Variants in TEAD1 observed in about 807,000 individuals in gnomAD.
TEAD1 encodes transcriptional enhancer factor TEF-1.
TEAD1 carries 9 observed loss-of-function variants against 54.9 expected under a neutral mutation model. The ratio of observed to expected loss-of-function variants is 0.16; its 90% CI spans 0.10 to 0.29. The LOEUF (loss-of-function observed/expected upper bound fraction) is 0.29. Among genes scored for constraint, TEAD1 ranks in the 10% least tolerant of loss-of-function variants. The probability of loss-of-function intolerance (pLI) is 1.00; values close to 1 mark genes in which losing one functional copy is unlikely to be tolerated. For synonymous variants in TEAD1, 200 were observed against 187.8 expected (o/e 1.07, Z -0.53); for missense variants, 387 against 535.9 (o/e 0.72, Z 2.74).
intron 2 of TEAD1, among the ~76,000 whole-genome samples, chr11:12,678,429 C>A (rs186646906): frequency 1.3e-5 from 2 of 152,254 alleles, no homozygotes; most frequent in East Asian, 3.9e-4. Flanking sequence ...GGTGCTTTTT[C>A]TTATTTTATA....
At chr11:12,871,828 A>T (rs1346594061) in intron 5 of TEAD1, among the ~76,000 whole-genome samples, 1 of 152,140 alleles carries the variant, frequency 6.6e-6, no homozygotes, top group East Asian at 1.9e-4. Context: ...GCTCGGCAGG[A>T]ATACATCTTA....
intron 3 of TEAD1, among the ~76,000 whole-genome samples, chr11:12,803,541 CTG>C (rs1426928881): frequency 1.3e-5 from 2 of 152,218 alleles, no homozygotes; most frequent in African/African-American, 4.8e-5. Context: ...TGAGTGCAGT[CTG>C]TGTGGCCCTC....
intron 2 of TEAD1, among the ~76,000 whole-genome samples, chr11:12,749,969 A>T (rs376443475): frequency 2.6e-5 from 4 of 152,126 alleles, no homozygotes. Flanking sequence ...TTGCATCTCA[A>T]TGTGAGAGAC....
chr11:12,836,668 A>G (rs2134025897), intron 3 of TEAD1, among the ~76,000 whole-genome samples: 1 of 152,286 alleles, frequency 6.6e-6, no homozygotes, highest in African/African-American at 2.4e-5. Flanking sequence ...CTTGCTGTAT[A>G]TTAAAGCTCC....
At chr11:12,853,806 C>A (rs748254426) in intron 3 of TEAD1, among the ~76,000 whole-genome samples, 2 of 152,102 alleles carry the variant, frequency 1.3e-5, no homozygotes, top group African/African-American at 4.8e-5. Context: ...TATCAGCTGC[C>A]GTTGACTGAT....
chr11:12,935,068 T>C (rs1590004535), intron 12 of TEAD1, among the ~76,000 whole-genome samples: 1 of 152,122 alleles, frequency 6.6e-6, no homozygotes, highest in Non-Finnish European at 1.5e-5. Flanking sequence ...ATTAGGCAGG[T>C]GGGCCGCCAT....
intron 3 of TEAD1, among the ~76,000 whole-genome samples, chr11:12,819,496 C>G (rs1946489372): frequency 6.6e-6 from 1 of 152,106 alleles, no homozygotes; most frequent in South Asian, 2.1e-4. Flanking sequence ...GTCACCCAGG[C>G]TGGAGTGTAG....
At chr11:12,719,949 G>GT (rs1200965763) in intron 2 of TEAD1, among the ~76,000 whole-genome samples, 2 of 40,010 alleles carry the variant, frequency 5.0e-5, no homozygotes. Context: ...GAAATCTAAT[G>GT]TTTTTTTTTT....
intron 2 of TEAD1, among the ~76,000 whole-genome samples, chr11:12,704,727 T>A (rs1182767474): frequency 6.6e-6 from 1 of 152,250 alleles, no homozygotes; most frequent in Admixed American, 6.5e-5. Flanking sequence ...CTGCTTGGCA[T>A]GCAGAAGCTC....
At chr11:12,774,862 C>CA (rs1174445484) in intron 3 of TEAD1, among the ~76,000 whole-genome samples, 1 of 151,920 alleles carries the variant, frequency 6.6e-6, no homozygotes, top group Admixed American at 6.6e-5. Context: ...GAGCAATAGA[C>CA]ACGGGGCCTG....
intron 6 of TEAD1, 62 bp from the exon 7 acceptor site, chr11:12,880,943 C>T (rs1217951133): frequency 6.4e-7 from 1 of 1,573,980 alleles, no homozygotes; most frequent in Admixed American, 1.7e-5. Flanking sequence ...GATGCGTAGG[C>T]ATCCTAAACT....
intron 2 of TEAD1, among the ~76,000 whole-genome samples, chr11:12,744,301 T>C (rs1272738072): frequency 6.6e-6 from 1 of 152,232 alleles, no homozygotes; most frequent in Admixed American, 6.5e-5. Flanking sequence ...AGGCTAGGAA[T>C]CTGTCCTTGA....
At chr11:12,861,029 G>C (rs1269785138) in intron 3 of TEAD1, among the ~76,000 whole-genome samples, 2 of 152,184 alleles carry the variant, frequency 1.3e-5, no homozygotes, top group Non-Finnish European at 2.9e-5. Flanking sequence ...TTTTTCACAA[G>C]GATAGAGCTG....
At chr11:12,895,202 C>A (rs1057505374) in intron 9 of TEAD1, among the ~76,000 whole-genome samples, 9 of 152,110 alleles carry the variant, frequency 5.9e-5, no homozygotes, top group East Asian at 5.8e-4. Context: ...TTTATTAACC[C>A]CCCCCGGGTA....
chr11:12,814,777 CTGTGTGTGTGTG>C (rs397842274), intron 3 of TEAD1, among the ~76,000 whole-genome samples: 6,565 of 105,642 alleles, frequency 0.062, 280 homozygotes, highest in Admixed American at 0.077. Flanking sequence ...TCGCAGAGCT[CTGTGTGTGTGTG>C]TGTGTGTGTG....
At chr11:12,860,410 G>T (rs1221998457) in intron 3 of TEAD1, among the ~76,000 whole-genome samples, 1 of 152,226 alleles carries the variant, frequency 6.6e-6, no homozygotes, top group Non-Finnish European at 1.5e-5. Flanking sequence ...TTGCCTTCCA[G>T]TGATGACCAT....
At chr11:12,863,556 C>G (rs1947551575) in intron 4 of TEAD1, among the ~76,000 whole-genome samples, 1 of 151,986 alleles carries the variant, frequency 6.6e-6, no homozygotes, top group East Asian at 1.9e-4. Context: ...GATAAAAGGA[C>G]CGTTTATTAT....
At chr11:12,681,713 A>G (rs576328994) in intron 2 of TEAD1, among the ~76,000 whole-genome samples, 2 of 152,290 alleles carry the variant, frequency 1.3e-5, no homozygotes, top group Non-Finnish European at 2.9e-5. Context: ...TGTGTCTCTG[A>G]TATGTGGCAG....
chr11:12,777,155 AAC>A (rs1945442483), intron 3 of TEAD1, among the ~76,000 whole-genome samples: 1 of 151,998 alleles, frequency 6.6e-6, no homozygotes, highest in Non-Finnish European at 1.5e-5. Context: ...AGCCTTTTAG[AAC>A]ACAGTCTTAA....
Sources: allele counts gnomAD v4.1 joint callset (sites outside exome capture counted in the v4.1 genomes callset), GRCh38; gene constraint gnomAD v4.1.1; transcripts MANE v1.5; gene names NCBI Gene and HGNC (gene_info 2026-07-23, HGNC 2026-07-21).